DOCK5: variants seen among roughly 807,000 people sequenced by gnomAD.
The protein encoded by DOCK5 is dedicator of cytokinesis 5.
DOCK5 carries 142 observed loss-of-function variants against 251.8 expected under a neutral mutation model. That is an observed-to-expected ratio of 0.56 (90% confidence interval 0.49 to 0.65). The LOEUF is 0.65. Among genes scored for constraint, DOCK5 ranks in the 30% least tolerant of loss-of-function variants. The pLI is 0.00. For missense variants in DOCK5, 2,111 were observed against 2,312.3 expected, an observed-to-expected ratio of 0.91 and a Z score of 1.79; for synonymous variants, 842 against 835.5, an observed-to-expected ratio of 1.01 and a Z score of -0.13.
chr8:25,336,974 T>A (rs1339469972), intron 22 of DOCK5, among the ~76,000 whole-genome samples: 1 of 152,156 alleles, frequency 6.6e-6, no homozygotes. Context: ...AAGAAAAGGT[T>A]TGTAGAATTG....
Position 25,228,987 on chromosome 8 carries a change from C to T in DOCK5, c.44-14687C>T, listed in dbSNP as rs376517453. Among the ~76,000 whole-genome samples the T allele has an allele frequency of 2.6e-3, 395 of 149,388 alleles. 3 individuals are homozygous for T. The highest frequency in any genetic ancestry group is 9.2e-3 in the African/African-American group (371 of 40,382). On this transcript the variant is annotated intron_variant, in intron 1 of 51. Coordinates refer to ENST00000276440, the MANE Select transcript of DOCK5 (RefSeq NM_024940.8). ...GTCTCACACCTGTAATCCCAGCACT[C>T]GGGGAGGCCAAGACGGGAGGATCAC...
chr8:25,359,412 G>C (rs539041387), intron 28 of DOCK5, among the ~76,000 whole-genome samples: 21 of 152,274 alleles, frequency 1.4e-4, no homozygotes, highest in African/African-American at 4.6e-4. Flanking sequence ...GAAGGCAGGG[G>C]TGTGCAAAGT....
intron 5 of DOCK5, among the ~76,000 whole-genome samples, chr8:25,279,063 G>A (rs958988387): frequency 6.6e-6 from 1 of 152,148 alleles, no homozygotes; most frequent in Admixed American, 6.6e-5. Flanking sequence ...GCCTCTTCAT[G>A]TATACCAGTG....
chr8:25,289,225 C>A (rs1479486370), intron 5 of DOCK5, among the ~76,000 whole-genome samples: 2 of 152,090 alleles, frequency 1.3e-5, no homozygotes, highest in Non-Finnish European at 2.9e-5. Flanking sequence ...TCCTTAGGAT[C>A]GTCATAGAAG....
chr8:25,249,749 G>A (rs887048704), intron 2 of DOCK5, among the ~76,000 whole-genome samples: 1 of 152,138 alleles, frequency 6.6e-6, no homozygotes, highest in African/African-American at 2.4e-5. Context: ...GCTACACCCA[G>A]CTAAATTTTT....
intron 2 of DOCK5, 74 bp downstream of exon 2, chr8:25,243,831 A>G: frequency 7.2e-7 from 1 of 1,380,230 alleles, no homozygotes; most frequent in Non-Finnish European, 1.0e-6. Flanking sequence ...AAAGGCACTT[A>G]GAGTAAACAT....
At chr8:25,309,087 C>T (rs1299378022) in intron 12 of DOCK5, among the ~76,000 whole-genome samples, 162 bp downstream of exon 12, 4 of 152,202 alleles carry the variant, frequency 2.6e-5, no homozygotes, top group African/African-American at 9.6e-5. Flanking sequence ...TAATACTGAA[C>T]TGCATTGAGA....
At chr8:25,216,968 C>T (rs1488843519) in intron 1 of DOCK5, among the ~76,000 whole-genome samples, 1 of 94,644 alleles carries the variant, frequency 1.1e-5, no homozygotes, top group African/African-American at 4.4e-5. Context: ...TAGATGTATA[C>T]AATATGTGTA....
At chr8:25,206,002 T>TGAAAAAAGTTGC (rs1801991234) in intron 1 of DOCK5, among the ~76,000 whole-genome samples, 1 of 152,096 alleles carries the variant, frequency 6.6e-6, no homozygotes. Context: ...AGGCTGAACA[T>TGAAAAAAGTTGC]GAAAAAAGTT....
Position 25,414,508 on chromosome 8 carries a change from C to T in DOCK5, c.*3210C>T, listed in dbSNP as rs1180574469. ...AGATATAAAGCAGGCTTTGAGACAA[C>T]AACCTACCTTTGTTTACTCTTTCCA... is the stretch of plus-strand genomic sequence containing the variant. On this transcript the variant is annotated 3_prime_UTR_variant, in exon 52 of 52. Coordinates refer to ENST00000276440, the MANE Select transcript of DOCK5 (RefSeq NM_024940.8). 1.3e-5 allele frequency: 2 copies of T among 152,202 alleles called. No individual in the cohort carries two copies. The highest frequency in any genetic ancestry group is 2.4e-5 in the African/African-American group (1 of 41,456). 9.4% of individuals were successfully genotyped at this position (152,202 alleles called of 1,614,324 possible). A position where few individuals can be genotyped will look rare whatever the true frequency, so the allele number is the denominator to read the frequency against.
intron 45 of DOCK5, among the ~76,000 whole-genome samples, chr8:25,396,721 G>A (rs1323378848): frequency 6.6e-6 from 1 of 152,002 alleles, no homozygotes; most frequent in Non-Finnish European, 1.5e-5. Flanking sequence ...AGGAGCCAGA[G>A]GGGAAGGGTG....
At chr8:25,346,536 A>AG (rs1800370095) in intron 26 of DOCK5, among the ~76,000 whole-genome samples, 1 of 152,006 alleles carries the variant, frequency 6.6e-6, no homozygotes, top group Non-Finnish European at 1.5e-5. Context: ...TTGAAAACAC[A>AG]GGGCTAAGGC....
chr8:25,204,214 G>A (rs1047273886), intron 1 of DOCK5, among the ~76,000 whole-genome samples: 2 of 152,110 alleles, frequency 1.3e-5, no homozygotes, highest in African/African-American at 2.4e-5. Context: ...CTTCATAGTC[G>A]ATACAACATA....
chr8:25,365,182 A>G (rs1343338875), intron 30 of DOCK5, among the ~76,000 whole-genome samples: 2 of 152,180 alleles, frequency 1.3e-5, no homozygotes, highest in African/African-American at 4.8e-5. Flanking sequence ...TCATTCATTT[A>G]CTTATCCATT....
At chr8:25,328,251 G>A (rs1459067049) in intron 18 of DOCK5, among the ~76,000 whole-genome samples, 1 of 151,902 alleles carries the variant, frequency 6.6e-6, no homozygotes, top group East Asian at 1.9e-4. Context: ...AAAAAAGTCA[G>A]AAGTAATATC....
chr8:25,336,942 T>TA (rs1249471115), intron 22 of DOCK5, among the ~76,000 whole-genome samples: 1 of 152,174 alleles, frequency 6.6e-6, no homozygotes, highest in Non-Finnish European at 1.5e-5. Flanking sequence ...TCCAAACTGT[T>TA]AAAATTTTTT....
chr8:25,360,357 A>G (rs1532913), intron 28 of DOCK5, among the ~76,000 whole-genome samples: 46,933 of 152,062 alleles, frequency 0.31, 7,468 homozygotes, highest in East Asian at 0.35. Context: ...CCTGGCAGGC[A>G]GCATGGCATG....
At chr8:25,317,315 ACTCT>A in intron 14 of DOCK5, 184 bp downstream of exon 14, 2 of 636,884 alleles carry the variant, frequency 3.1e-6, no homozygotes, top group African/African-American at 1.8e-5. Context: ...AGCTATCTAG[ACTCT>A]TCTAGACTCT....
At chr8:25,344,375 G>T (rs193268747) in intron 25 of DOCK5, among the ~76,000 whole-genome samples, 2 of 152,144 alleles carry the variant, frequency 1.3e-5, no homozygotes, top group African/African-American at 4.8e-5. Context: ...CCTGGTCAGG[G>T]GCTCCCAGAG....
Sources: allele counts gnomAD v4.1 joint callset (sites outside exome capture counted in the v4.1 genomes callset), GRCh38; gene constraint gnomAD v4.1.1; transcripts MANE v1.5; gene names NCBI Gene and HGNC (gene_info 2026-07-23, HGNC 2026-07-21).